The following RBFOX2 variants were observed in gnomAD, a reference collection of about 807,000 sequenced individuals.
RBFOX2 encodes RNA binding protein fox-1 homolog 2.
A neutral mutation model predicts 49.1 loss-of-function variants in RBFOX2; 10 were observed. The observed-to-expected ratio is 0.20, with a 90% CI of 0.13 to 0.35. The LOEUF is 0.35. Ranked by LOEUF, RBFOX2 falls within the 10% of genes least tolerant of loss-of-function variation. The pLI is 1.00. For synonymous variants in RBFOX2, 183 were observed against 187.4 expected, an observed-to-expected ratio of 0.98 and a Z score of 0.19; for missense variants, 323 against 486.9, an observed-to-expected ratio of 0.66 and a Z score of 3.17.
chr22:35,999,972 A>C (rs1421918075), intron 1 of RBFOX2: 2 of 147,012 alleles, frequency 1.4e-5, no homozygotes, highest in Non-Finnish European at 1.5e-5. Context: ...CCAAATCAAG[A>C]AATATAAAAG....
chr22:35,811,692 T>C lies in RBFOX2; in HGVS notation c.28-1688A>G, dbSNP rs142366599. ...AAAATTTTCCTGCTATTGGACATAA[T>C]GGTTCATGCCCTTGTAATCCCAGCA... On this transcript the variant is annotated intron_variant, in intron 1 of 11. Transcript: ENST00000405409. Among the ~76,000 whole-genome samples the C allele has an allele frequency of 2.6e-3, 402 of 152,276 alleles. 4 individuals are homozygous for C. The highest frequency in any genetic ancestry group is 9.4e-3 in the African/African-American group (391 of 41,562).
intron 1 of RBFOX2, among the ~76,000 whole-genome samples, chr22:35,865,667 T>C (rs1462731603): frequency 6.6e-6 from 1 of 152,182 alleles, no homozygotes; most frequent in Non-Finnish European, 1.5e-5. Flanking sequence ...AACAATATTA[T>C]GGTGTGAATA....
At chr22:35,751,217 A>T (rs141100019) in intron 9 of RBFOX2, among the ~76,000 whole-genome samples, 3 of 152,122 alleles carry the variant, frequency 2.0e-5, no homozygotes, top group African/African-American at 7.2e-5. Context: ...TAATTTTATT[A>T]TATTTTTGTT....
chr22:35,932,211 A>G (rs5755999), intron 1 of RBFOX2, among the ~76,000 whole-genome samples: 12,298 of 152,090 alleles, frequency 0.081, 511 homozygotes, highest in African/African-American at 0.095. Context: ...TACAGAAGAT[A>G]TATTTGCTGT....
In RBFOX2 at chr22:35,996,612, A is replaced by G. The variant is rs79400811; in HGVS notation, c.186+31628T>C. The G allele has an allele frequency of 2.7e-5, 4 of 148,292 alleles. No homozygotes were observed. The South Asian group carries it at 8.4e-4, about 31-fold the overall frequency. 9.2% of individuals were successfully genotyped at this position (148,292 alleles called of 1,614,324 possible). A position where few individuals can be genotyped will look rare whatever the true frequency, so the allele number is the denominator to read the frequency against. The stretch of plus-strand genomic sequence containing the variant: ...AGAGCAAGAGCAAGACTCTGTCTCA[A>G]AAAAAAAAAAAAGAAAAAAAAAAGC... On this transcript the variant is annotated intron_variant, in intron 1 of 13. Transcript: ENST00000438146.
intron 1 of RBFOX2, among the ~76,000 whole-genome samples, chr22:35,849,068 A>G (rs2041568784): frequency 6.6e-6 from 1 of 152,200 alleles, no homozygotes. Flanking sequence ...TACTAATGTC[A>G]TCACAAAATA....
At chr22:36,023,660 T>G (rs533477409) in intron 1 of RBFOX2, among the ~76,000 whole-genome samples, 3 of 152,336 alleles carry the variant, frequency 2.0e-5, no homozygotes, top group Non-Finnish European at 4.4e-5. Flanking sequence ...CCACAAACTT[T>G]GAGTACAGTA....
At chr22:35,814,654 C>T (rs141890852) in intron 1 of RBFOX2, among the ~76,000 whole-genome samples, 32 of 128,240 alleles carry the variant, frequency 2.5e-4, no homozygotes, top group Non-Finnish European at 3.9e-4. Context: ...GAGGCTGTGG[C>T]GAGCTATGAT....
At chr22:35,778,163 T>C in intron 3 of RBFOX2, 85 bp from the exon 5 acceptor site, 2 of 1,121,256 alleles carry the variant, frequency 1.8e-6, no homozygotes, top group Admixed American at 2.1e-5. Flanking sequence ...GAATAGTTTA[T>C]TTTTCTTCTT....
intron 1 of RBFOX2, among the ~76,000 whole-genome samples, chr22:35,817,477 A>T (rs962579478): frequency 6.7e-6 from 1 of 149,398 alleles, no homozygotes; most frequent in Non-Finnish European, 1.5e-5. Context: ...ACTTTGTCTC[A>T]AAATAAATAA....
At chr22:35,848,691 AAAT>A (rs2041521804) in intron 1 of RBFOX2, among the ~76,000 whole-genome samples, 1 of 152,224 alleles carries the variant, frequency 6.6e-6, no homozygotes, top group African/African-American at 2.4e-5. Flanking sequence ...TGAAAGAAAA[AAAT>A]AATTAAAGGA....
At chr22:35,939,140 A>C, upstream of RBFOX2, 1 of 666,092 alleles carries the variant, frequency 1.5e-6, no homozygotes. Context: ...ATGCAGCTAA[A>C]TCTGTTTCCT....
At chr22:36,025,756 C>T (rs189975569) in intron 1 of RBFOX2, among the ~76,000 whole-genome samples, 54 of 152,174 alleles carry the variant, frequency 3.5e-4, no homozygotes, top group Non-Finnish European at 2.4e-4. Flanking sequence ...TGGCCGGGTG[C>T]GGTGCCTCAC....
chr22:35,741,562 T>C (rs1929973768), exon 12 of RBFOX2: 1 of 152,648 alleles, frequency 6.6e-6, no homozygotes, highest in Non-Finnish European at 1.5e-5. Context: ...CAATTCTCAG[T>C]GTTGACACTG....
At chr22:35,840,442 A>G in exon 1 of RBFOX2, 2 of 1,424,236 alleles carry the variant, frequency 1.4e-6, no homozygotes, top group Non-Finnish European at 1.8e-6. Flanking sequence ...GCTCCCTCCC[A>G]TATCTCAGGC....
chr22:35,745,905 G>A lies in RBFOX2; in HGVS notation c.1049+18C>T, dbSNP rs1419927027. 6.3e-7 allele frequency: 1 copy of A among 1,598,608 alleles called. No homozygotes were observed. The highest frequency in any genetic ancestry group is 1.3e-5 in the African/African-American group (1 of 74,650). Reference sequence around the variant, plus strand: ...GAATGAAATGGTTTTATAAAGCAATGGTATATTATATACTTACCACAGCGC... The same window carrying A: ...GAATGAAATGGTTTTATAAAGCAATAGTATATTATATACTTACCACAGCGC... On this transcript the variant is annotated intron_variant, in intron 11 of 11. Transcript: ENST00000405409.
In RBFOX2 at chr22:35,990,097, C is replaced by T. The variant is rs985119856; in HGVS notation, c.186+38143G>A. On this transcript the variant is annotated intron_variant, in intron 1 of 13. Transcript: ENST00000438146. ...ACTCAGGAGGCTGAGGCAGAAGAAT[C>T]GCTTCAACTCAGGAGGCAGAGGTTG... Among the ~76,000 whole-genome samples the T allele has an allele frequency of 4.6e-5, 7 of 152,200 alleles. No homozygotes were observed. The East Asian group carries it at 1.2e-3, about 25-fold the overall frequency.
intron 1 of RBFOX2, among the ~76,000 whole-genome samples, chr22:35,823,433 C>G (rs1954962032): frequency 1.3e-5 from 2 of 152,190 alleles, no homozygotes; most frequent in Admixed American, 6.5e-5. Context: ...TTTAATAACT[C>G]TCTTGTATAT....
intron 9 of RBFOX2, among the ~76,000 whole-genome samples, chr22:35,755,902 C>T (rs1018968321): frequency 6.6e-6 from 1 of 151,786 alleles, no homozygotes; most frequent in Non-Finnish European, 1.5e-5. Flanking sequence ...TTAGTTTTTG[C>T]ACCCAGGGGC....
Sources: allele counts gnomAD v4.1 joint callset (sites outside exome capture counted in the v4.1 genomes callset), GRCh38; gene constraint gnomAD v4.1.1; transcripts MANE v1.5; gene names NCBI Gene and HGNC (gene_info 2026-07-23, HGNC 2026-07-21).